Variants in NPIPB2 observed in about 807,000 individuals in gnomAD.
NPIPB2 encodes the protein nuclear pore complex-interacting protein family member B2.
In NPIPB2, 27 loss-of-function variants were observed where a neutral mutation model predicts 30.8. The ratio of observed to expected loss-of-function variants is 0.88; its 90% CI spans 0.65 to 1.21. The LOEUF (loss-of-function observed/expected upper bound fraction) is 1.21. NPIPB2 is among the 50% of genes most tolerant of loss of function. NPIPB2 has a pLI of 0.00. For synonymous variants in NPIPB2, 147 were observed against 162.0 expected, an observed-to-expected ratio of 0.91 and a Z score of 0.70; for missense variants, 440 against 446.2, an observed-to-expected ratio of 0.99 and a Z score of 0.13.
At chr16:11,935,943 C>T (rs1000086310) in intron 2 of NPIPB2, among the ~76,000 whole-genome samples, 26 of 117,288 alleles carry the variant, frequency 2.2e-4, no homozygotes, top group African/African-American at 7.8e-4. Context: ...ATGAGAGGTG[C>T]GAAGTTGTCC....
intron 4 of NPIPB2, among the ~76,000 whole-genome samples, chr16:11,933,125 G>A (rs1056890052): frequency 2.0e-5 from 3 of 151,918 alleles, no homozygotes; most frequent in African/African-American, 4.8e-5. Context: ...GCTGGGCGTG[G>A]TGGTGGGCAC....
chr16:11,973,941 A>G (rs1031048835), intron 1 of NPIPB2, among the ~76,000 whole-genome samples: 1 of 152,216 alleles, frequency 6.6e-6, no homozygotes, highest in Non-Finnish European at 1.5e-5. Context: ...TATGCTGTAA[A>G]CAGTTCTCTT....
At chr16:11,952,784 T>G (rs1422387637) in intron 1 of NPIPB2, among the ~76,000 whole-genome samples, 2 of 152,046 alleles carry the variant, frequency 1.3e-5, no homozygotes, top group Non-Finnish European at 2.9e-5. Context: ...CAGGCTGGTC[T>G]CGAATGCCTG....
At chr16:11,934,081 AT>A (rs1315284879) in intron 2 of NPIPB2, among the ~76,000 whole-genome samples, 157 bp from the exon 3 acceptor site, 2 of 151,674 alleles carry the variant, frequency 1.3e-5, no homozygotes, top group African/African-American at 4.9e-5. Context: ...AAATACAAAA[AT>A]TAGCCGGGCA....
intron 1 of NPIPB2, among the ~76,000 whole-genome samples, chr16:11,966,722 T>G: frequency 6.6e-6 from 1 of 152,150 alleles, no homozygotes; most frequent in East Asian, 1.9e-4. Context: ...TCTATGGTCA[T>G]GTTTTTATAC....
At chr16:11,964,246 G>A (rs975059329) in intron 1 of NPIPB2, among the ~76,000 whole-genome samples, 8 of 151,934 alleles carry the variant, frequency 5.3e-5, no homozygotes, top group African/African-American at 1.9e-4. Context: ...CTGCTCATCT[G>A]TATTTCTAAA....
chr16:11,954,008 G>A (rs74449077), intron 1 of NPIPB2, among the ~76,000 whole-genome samples: 4,036 of 151,688 alleles, frequency 0.027, 82 homozygotes, highest in Non-Finnish European at 0.042. Flanking sequence ...ACAGTGCCTA[G>A]CATTCTATTG....
chr16:11,953,290 C>A lies in NPIPB2; in HGVS notation c.-583-11176G>T, dbSNP rs1195907590. Among the ~76,000 whole-genome samples the A allele has an allele frequency of 2.0e-5, 3 of 151,932 alleles. No individual in the cohort carries two copies. In the South Asian group the frequency reaches 6.2e-4, roughly 32 times the overall value. ...CCTCACAAGTAGCTGGGATTACAGG[C>A]ACCTGCCACCACGCCCGGCTAATTT... On this transcript the variant is annotated intron_variant, in intron 1 of 5. Coordinates refer to the NPIPB2 transcript ENST00000538896.
intron 1 of NPIPB2, among the ~76,000 whole-genome samples, chr16:11,947,596 G>A (rs1022847722): frequency 6.6e-6 from 1 of 151,328 alleles, no homozygotes; most frequent in Non-Finnish European, 1.5e-5. Context: ...TGCCCACCTC[G>A]GCCTCCCAAA....
upstream of NPIPB2, among the ~76,000 whole-genome samples, chr16:11,945,152 C>T (rs1167571447): frequency 6.6e-6 from 1 of 151,970 alleles, no homozygotes; most frequent in East Asian, 1.9e-4. Context: ...CGCCATTGCA[C>T]TCCAGCCTGG....
In NPIPB2 at chr16:11,941,752, C is replaced by G. The variant is rs932150705; in HGVS notation, c.63+231G>C. 7 of 890,420 alleles carry G rather than the reference C, an allele frequency of 7.9e-6. No homozygotes were observed. In the African/African-American group the frequency reaches 1.2e-4, roughly 15 times the overall value. The allele number at this position is 890,420 out of a possible 1,614,324, so 55.2% of individuals were successfully genotyped here. On this transcript the variant is annotated intron_variant, in intron 1 of 7. Coordinates refer to ENST00000399147, the Ensembl canonical transcript of NPIPB2. ...GCCTCACAATGGACATGCCAAGTAG[C>G]GCCCGCATCATTCCAATGACCCCTC...
chr16:11,964,098 G>T (rs894824648), intron 1 of NPIPB2: 1 of 151,548 alleles, frequency 6.6e-6, no homozygotes, highest in Admixed American at 6.6e-5. Flanking sequence ...CTATATAAAT[G>T]TATCTATCTA....
At chr16:11,941,655 T>C (rs1455442268) in intron 1 of NPIPB2, among the ~76,000 whole-genome samples, 4 of 151,606 alleles carry the variant, frequency 2.6e-5, no homozygotes, top group African/African-American at 9.7e-5. Context: ...GGCCCTCCCT[T>C]ACCAACCCTG....
intron 1 of NPIPB2, among the ~76,000 whole-genome samples, chr16:11,947,236 ACCATGC>A: frequency 6.8e-6 from 1 of 147,796 alleles, no homozygotes; most frequent in East Asian, 2.0e-4. Context: ...GGTGTGAGCC[ACCATGC>A]CCAGCCAATG....
intron 1 of NPIPB2, among the ~76,000 whole-genome samples, chr16:11,970,254 C>T (rs1167558384): frequency 6.6e-6 from 1 of 152,088 alleles, no homozygotes; most frequent in Non-Finnish European, 1.5e-5. Flanking sequence ...ACTCTGTCGC[C>T]CAGGCTGGAA....
At chr16:11,954,559 T>G (rs1173423830) in intron 1 of NPIPB2, among the ~76,000 whole-genome samples, 1 of 152,030 alleles carries the variant, frequency 6.6e-6, no homozygotes, top group Non-Finnish European at 1.5e-5. Flanking sequence ...TAAAATTTTT[T>G]TTAAGAAGAA....
At chr16:11,953,785 C>T (rs1212272504) in intron 1 of NPIPB2, among the ~76,000 whole-genome samples, 3 of 147,408 alleles carry the variant, frequency 2.0e-5, no homozygotes, top group South Asian at 2.1e-4. Context: ...GCACGATTCT[C>T]CTGCCTCAAC....
chr16:11,940,860 T>A (rs1237234890), intron 1 of NPIPB2, among the ~76,000 whole-genome samples: 1 of 144,972 alleles, frequency 6.9e-6, no homozygotes, highest in African/African-American at 2.6e-5. Context: ...GAGACAAGAG[T>A]GCAGCGGGGC....
chr16:11,965,217 T>C, intron 1 of NPIPB2: 1 of 1,473,894 alleles, frequency 6.8e-7, no homozygotes, highest in South Asian at 1.3e-5. Flanking sequence ...TTCATTGTTC[T>C]CAACATTCTA....
Sources: allele counts gnomAD v4.1 joint callset (sites outside exome capture counted in the v4.1 genomes callset), GRCh38; gene constraint gnomAD v4.1.1; transcripts MANE v1.5; gene names NCBI Gene and HGNC (gene_info 2026-07-23, HGNC 2026-07-21).